EPPK1: variants seen among roughly 807,000 people sequenced by gnomAD.
EPPK1 encodes the protein epiplakin 1.
For missense variants in EPPK1, 3,823 were observed against 3,673.3 expected, an observed-to-expected ratio of 1.04 and a Z score of -1.05; for synonymous variants, 1,862 against 1,721.2, an observed-to-expected ratio of 1.08 and a Z score of -2.03.
chr8:143,869,395 C>A lies in EPPK1; in HGVS notation c.3859G>T (p.Gly1287Cys), dbSNP rs1026929023. 5 of 1,609,298 alleles carry A rather than the reference C, an allele frequency of 3.1e-6. No homozygotes were observed. Among genetic ancestry groups the A allele is most frequent in the Non-Finnish European group, 4.2e-6 (5 of 1,178,780 alleles). The change falls in exon 2 of 2, where the codon GGC becomes TGC. Residue 1287 changes from glycine (G) to cysteine (C), a missense_variant. By Grantham distance (159) the Gly-to-Cys change is radical. Transcript: ENST00000615648. ...TTGTTCAGGGGGTCAACAAGGAAGC[C>A]AGATGCCACCTGGGCTTCCAGCAGC... ...QRLLEAQVAS[G>C]FLVDPLNNQR...
At chr8:143,873,976 C>T (rs897833673) in intron 1 of EPPK1, among the ~76,000 whole-genome samples, 2 of 152,364 alleles carry the variant, frequency 1.3e-5, no homozygotes, top group African/African-American at 4.8e-5. Context: ...CTGCATCCTC[C>T]TCTGCCTGTC....
Position 143,866,952 on chromosome 8 carries a change from C to G in EPPK1, c.6302G>C (p.Arg2101Thr), listed in dbSNP as rs368041373. 2.5e-6 allele frequency: 4 copies of G among 1,612,838 alleles called. No individual in the cohort carries two copies. The highest frequency in any genetic ancestry group is 3.4e-6 in the Non-Finnish European group (4 of 1,179,852). ...TTCCACTTGCTCTGCCTCCAGGGCC[C>G]TTCTCGTCTCGTCATCGATGTGCTC... ...DSEHIDDETRRALEAEQVEIT... is the reference protein window; with the variant it reads ...DSEHIDDETRTALEAEQVEIT... Residue 2101 changes from arginine to threonine, a missense_variant, in exon 2 of 2, where the codon AGG becomes ACG. Transcript: ENST00000615648.
Position 143,868,951 on chromosome 8 carries a change from G to A in EPPK1, c.4303C>T (p.Pro1435Ser), listed in dbSNP as rs1554660166. 1.9e-6 allele frequency: 3 copies of A among 1,610,806 alleles called. No individual in the cohort carries two copies. Among genetic ancestry groups the A allele is most frequent in the Non-Finnish European group, 2.5e-6 (3 of 1,179,836 alleles). Residue 1435 changes from proline to serine, a missense_variant, in exon 2 of 2, where the codon CCC becomes TCC. Pro to Ser is a moderately conservative substitution (Grantham distance 74). Transcript: ENST00000615648. ...SETGLLLLPL[P>S]SDTVLEVDDH... ...TCCACCTCAAGCACTGTGTCTGAGG[G>A]CAGTGGCAACAGCAACAATCCGGTC...
At position 143,872,428 on chromosome 8, in the gene EPPK1, C is replaced by T. The variant is rs782225879; in HGVS notation, c.826G>A (p.Glu276Lys). The T allele has an allele frequency of 1.6e-5, 25 of 1,600,768 alleles. No homozygotes were observed. In the Middle Eastern group the frequency reaches 4.9e-4, roughly 32 times the overall value. ...LAAVDVSARA[E>K]VRRYLEGTGS... Reference sequence around the variant, plus strand: ...GTACCCTCCAGGTAGCGCCGCACCTCGGCACGTGCACTCACGTCCACTGCG... The same window carrying T: ...GTACCCTCCAGGTAGCGCCGCACCTTGGCACGTGCACTCACGTCCACTGCG... The change falls in exon 2 of 2, where the codon GAG becomes AAG. Residue 276 changes from glutamate (E) to lysine (K), a missense_variant. Physicochemically the swap from Glu to Lys is moderately conservative, Grantham distance 56. Coordinates refer to ENST00000615648, the MANE Select transcript of EPPK1 (RefSeq NM_031308.4).
At chr8:143,876,362 C>T (rs1346109615) in intron 1 of EPPK1, among the ~76,000 whole-genome samples, 1 of 152,184 alleles carries the variant, frequency 6.6e-6, no homozygotes, top group Non-Finnish European at 1.5e-5. Context: ...GGGGAGGCAG[C>T]CCCAGGGGCC....
rs1554661544 is a variant in EPPK1 at position 143,872,377 on chromosome 8, G to A, written c.877C>T (p.Leu293=). 7 of 1,604,466 alleles carry A rather than the reference G, an allele frequency of 4.4e-6. No individual in the cohort carries two copies. In the Admixed American group the frequency reaches 5.0e-5, roughly 11 times the overall value. The change falls in exon 2 of 2, where the codon CTG becomes TTG. Residue 293 remains leucine (L), a synonymous_variant. Transcript: ENST00000615648. The stretch of plus-strand genomic sequence containing the variant: ...AAGCTCTTCTTGTGGCCTTCGGGCA[G>A]CAGGACAACCCCGGCCACGCTGCCG... ...GTGSVAGVVL[L]PEGHKKSFFQ... is the part of the protein sequence containing the mutation.
At chr8:143,877,666 G>C (rs1015101288) in intron 1 of EPPK1, among the ~76,000 whole-genome samples, 1 of 152,170 alleles carries the variant, frequency 6.6e-6, no homozygotes, top group South Asian at 2.1e-4. Context: ...GACAGACCCT[G>C]GCAGCTGCCT....
chr8:143,858,840 C>T lies in EPPK1; in HGVS notation c.14414G>A (p.Arg4805Gln). 2 of 226,500 alleles carry T rather than the reference C, an allele frequency of 8.8e-6. No homozygotes were observed. The highest frequency in any genetic ancestry group is 1.6e-5 in the Non-Finnish European group (2 of 128,354). The allele number at this position is 226,500 out of a possible 1,614,324, so 14.0% of individuals were successfully genotyped here. A position where few individuals can be genotyped will look rare whatever the true frequency, so the allele number is the denominator to read the frequency against. ...CGCGTGCTGGGCCAGGAGCTCGTCTCGGTGGGCCTCGCTCAGGTACGAGGA... is the reference window on the plus strand; with the variant it reads ...CGCGTGCTGGGCCAGGAGCTCGTCTTGGTGGGCCTCGCTCAGGTACGAGGA... ...LFSSYLSEAH[R>Q]DELLAQHAAG... is the part of the protein sequence containing the mutation. Residue 4805 changes from arginine to glutamine, a missense_variant, in exon 2 of 2, where the codon CGA (arginine) becomes CAA (glutamine). By Grantham distance (43) the Arg-to-Gln change is conservative. Coordinates refer to ENST00000615648, the MANE Select transcript of EPPK1 (RefSeq NM_031308.4).
chr8:143,868,526 G>A lies in EPPK1; in HGVS notation c.4728C>T (p.Val1576=), dbSNP rs527426145. ...TCCTCTCCTGGGTGCCCTGGATAAG[G>A]ACCCCGGCAATGAAGTTGCCTCCCT... is the stretch of plus-strand genomic sequence containing the variant. ...SLEGGNFIAG[V]LIQGTQERMS... is the part of the protein sequence containing the mutation. Residue 1576 remains valine, a synonymous_variant, in exon 2 of 2, where the codon GTC becomes GTT. Coordinates refer to ENST00000615648, the MANE Select transcript of EPPK1 (RefSeq NM_031308.4). 4.4e-6 allele frequency: 7 copies of A among 1,607,366 alleles called. No individual in the cohort carries two copies. The African/African-American group carries it at 9.3e-5, about 21-fold the overall frequency.
At chr8:143,875,511 A>G (rs951635021) in intron 1 of EPPK1, among the ~76,000 whole-genome samples, 1 of 152,258 alleles carries the variant, frequency 6.6e-6, no homozygotes, top group Non-Finnish European at 1.5e-5. Flanking sequence ...ATTGCAGCTC[A>G]GCTGTCCCGA....
At position 143,857,840 on chromosome 8, in the gene EPPK1, A is replaced by C. The variant is rs1171205621; in HGVS notation, c.*147T>G. 1.6e-6 allele frequency: 1 copy of C among 627,724 alleles called. No individual in the cohort carries two copies. Among genetic ancestry groups the C allele is most frequent in the African/African-American group, 1.9e-5 (1 of 53,624 alleles). 38.9% of individuals were successfully genotyped at this position (627,724 alleles called of 1,614,324 possible). A position where few individuals can be genotyped will look rare whatever the true frequency, so the allele number is the denominator to read the frequency against. On this transcript the variant is annotated 3_prime_UTR_variant, in exon 2 of 2. Coordinates refer to ENST00000615648, the MANE Select transcript of EPPK1 (RefSeq NM_031308.4). Reference sequence around the variant, plus strand: ...AAGGAAAAGTTTCTGTCACATGACAACTTAAAACGTTTTCCACAGATAACG... The same window carrying C: ...AAGGAAAAGTTTCTGTCACATGACACCTTAAAACGTTTTCCACAGATAACG...
Position 143,867,872 on chromosome 8 carries a change from G to A in EPPK1, c.5382C>T (p.Val1794=), listed in dbSNP as rs782062044. The A allele has an allele frequency of 6.2e-7, 1 of 1,613,146 alleles. No individual in the cohort carries two copies. Among genetic ancestry groups the A allele is most frequent in the Non-Finnish European group, 8.5e-7 (1 of 1,179,584 alleles). The change falls in exon 2 of 2, where the codon GTC becomes GTT. Residue 1794 remains valine, a synonymous_variant. Coordinates refer to ENST00000615648, the MANE Select transcript of EPPK1 (RefSeq NM_031308.4). ...MRVGRFADQV[V]SFWDLLSSPY... ...GAGAGGACAGCAGGTCCCAGAAAGA[G>A]ACCACCTGGTCAGCAAACCTCCCCA... is the stretch of plus-strand genomic sequence containing the variant.
rs1222287563 is a variant in EPPK1 at position 143,872,000 on chromosome 8, G to A, written c.1254C>T (p.Ala418=). The A allele has an allele frequency of 1.9e-6, 3 of 1,580,458 alleles. No homozygotes were observed. Among genetic ancestry groups the A allele is most frequent in the East Asian group, 4.6e-5 (2 of 43,482 alleles). The change falls in exon 2 of 2, where the codon GCC becomes GCT. Residue 418 remains alanine, a synonymous_variant. Transcript: ENST00000615648. ...ARRLRLPLEA[A]LRCGCLDEDT... ...CTTCATCCAGGCAGCCGCAGCGCAGGGCGGCCTCCAGGGGCAGCCGGAGCC... is the reference window on the plus strand; with the variant it reads ...CTTCATCCAGGCAGCCGCAGCGCAGAGCGGCCTCCAGGGGCAGCCGGAGCC...
intron 1 of EPPK1, among the ~76,000 whole-genome samples, chr8:143,873,596 C>T (rs529912903): frequency 2.6e-5 from 4 of 152,150 alleles, no homozygotes; most frequent in South Asian, 2.1e-4. Flanking sequence ...CCCAGGCCAA[C>T]GCCCTCCCGC....
At position 143,868,459 on chromosome 8, in the gene EPPK1, C is replaced by T; in HGVS notation, c.4795G>A (p.Gly1599Ser). 1 of 1,612,454 alleles carries T rather than the reference C, an allele frequency of 6.2e-7. No individual in the cohort carries two copies. The highest frequency in any genetic ancestry group is 8.5e-7 in the Non-Finnish European group (1 of 1,179,738). The change falls in exon 2 of 2, where the codon GGC (glycine) becomes AGC (serine). Residue 1599 changes from glycine to serine, a missense_variant. Physicochemically the swap from Gly to Ser is moderately conservative, Grantham distance 56 (BLOSUM62 0). Coordinates refer to ENST00000615648, the MANE Select transcript of EPPK1 (RefSeq NM_031308.4). ...EALRRHILRP[G>S]TALVLLEAQA... is the part of the protein sequence containing the mutation. Reference sequence around the variant, plus strand: ...GCCTCCAGCAGCACCAGGGCTGTGCCAGGCCGCAGGATGTGCCTCCTCAGG... The same window carrying T: ...GCCTCCAGCAGCACCAGGGCTGTGCTAGGCCGCAGGATGTGCCTCCTCAGG...
rs1368464552 is a variant in EPPK1, at chr8:143,868,856, G to A, written c.4398C>T (p.Ser1466=). ...PVSTGRFKGC[S]VSLWDLLLSE... ...AGAGCAGCAGGTCCCAGAGTGACAC[G>A]CTACACCCCTTAAACCTCCCTGTGC... Residue 1466 remains serine (S), a synonymous_variant, in exon 2 of 2, where the codon AGC becomes AGT. Transcript: ENST00000615648. The A allele has an allele frequency of 3.1e-6, 5 of 1,609,210 alleles. No homozygotes were observed. The highest frequency in any genetic ancestry group is 2.2e-5 in the East Asian group (1 of 44,864).
chr8:143,878,372 CCTGCCCGCACCCGCCGCA>C, intron 1 of EPPK1, 48 bp downstream of exon 1: 1 of 144,608 alleles, frequency 6.9e-6, no homozygotes, highest in Admixed American at 6.9e-5. Flanking sequence ...ACCCGCCGCA[CCTGCCCGCACCCGCCGCA>C]CCTGCCCGCA....
chr8:143,866,671 C>T lies in EPPK1; in HGVS notation c.6583G>A (p.Glu2195Lys). ...CCCGTTTCCAGGTCCTGGAGCATTT[C>T]CTCCGTGATTATGGCTGAGCTGAGG... ...ELLSSAIITEEMLQDLETGRS... is the reference protein window; with the variant it reads ...ELLSSAIITEKMLQDLETGRS... Residue 2195 changes from glutamate to lysine, a missense_variant, in exon 2 of 2, where the codon GAA becomes AAA. Transcript: ENST00000615648. The T allele has an allele frequency of 6.2e-7, 1 of 1,613,214 alleles. No individual in the cohort carries two copies. The highest frequency in any genetic ancestry group is 8.5e-7 in the Non-Finnish European group (1 of 1,179,866).
At position 143,866,474 on chromosome 8, in the gene EPPK1, C is replaced by T; in HGVS notation, c.6780G>A (p.Leu2260=). ...TGGCCGCCTGCGCCTCCAGCAGCACCAGGGCCGTGCCGGGCCGCAGCACGC... is the reference window on the plus strand; with the variant it reads ...TGGCCGCCTGCGCCTCCAGCAGCACTAGGGCCGTGCCGGGCCGCAGCACGC... ...WKGVLRPGTA[L]VLLEAQAATG... is the part of the protein sequence containing the mutation. The change falls in exon 2 of 2, where the codon CTG becomes CTA. Residue 2260 remains leucine, a synonymous_variant. Coordinates refer to ENST00000615648, the MANE Select transcript of EPPK1 (RefSeq NM_031308.4). 1.3e-6 allele frequency: 2 copies of T among 1,509,528 alleles called. No homozygotes were observed. The highest frequency in any genetic ancestry group is 1.8e-6 in the Non-Finnish European group (2 of 1,128,778). The allele number at this position is 1,509,528 out of a possible 1,614,324, so 93.5% of individuals were successfully genotyped here.
Sources: allele counts gnomAD v4.1 joint callset (sites outside exome capture counted in the v4.1 genomes callset), GRCh38; gene constraint gnomAD v4.1.1; transcripts MANE v1.5; gene names NCBI Gene and HGNC (gene_info 2026-07-23, HGNC 2026-07-21).